The following OTOGL variants were observed in gnomAD, a reference collection of about 807,000 sequenced individuals.
The protein encoded by OTOGL is otogelin-like protein.
In OTOGL, 285 loss-of-function variants were observed where a neutral mutation model predicts 318.5. The ratio of observed to expected loss-of-function variants is 0.89; its 90% CI spans 0.81 to 0.99. OTOGL has a LOEUF of 0.99. Among genes scored for constraint, OTOGL ranks in the 50% least tolerant of loss-of-function variants. OTOGL has a pLI of 0.00. For synonymous variants in OTOGL, 987 were observed against 936.5 expected (o/e 1.05, Z -0.99); for missense variants, 2,899 against 2,845.6 (o/e 1.02, Z -0.43).
At chr12:80,371,562 T>A (rs1304834534) in intron 56 of OTOGL, among the ~76,000 whole-genome samples, 2 of 152,026 alleles carry the variant, frequency 1.3e-5, no homozygotes, top group Non-Finnish European at 2.9e-5. Flanking sequence ...TAGACAAGAG[T>A]CCTTCCAAGG....
At chr12:80,263,235 C>T (rs953655758) in intron 19 of OTOGL, among the ~76,000 whole-genome samples, 1 of 152,098 alleles carries the variant, frequency 6.6e-6, no homozygotes, top group African/African-American at 2.4e-5. Context: ...TACCTTCCTC[C>T]ATTCTGTCCC....
chr12:80,106,631 GTGCACA>G (rs1192213758), intron 1 of OTOGL, among the ~76,000 whole-genome samples: 1 of 152,134 alleles, frequency 6.6e-6, no homozygotes, highest in Non-Finnish European at 1.5e-5. Flanking sequence ...ACACAAGTGT[GTGCACA>G]TGCACACAAT....
intron 1 of OTOGL, among the ~76,000 whole-genome samples, chr12:80,199,602 C>T (rs1296971954): frequency 6.6e-6 from 1 of 152,102 alleles, no homozygotes; most frequent in Non-Finnish European, 1.5e-5. Flanking sequence ...AGAATTCATA[C>T]CATCTAATGT....
At chr12:80,232,594 A>G (rs1879465985) in intron 8 of OTOGL, among the ~76,000 whole-genome samples, 1 of 152,246 alleles carries the variant, frequency 6.6e-6, no homozygotes. Flanking sequence ...ACAAATCACC[A>G]GTATTTAGCA....
At chr12:80,230,998 TCA>T (rs1224658519) in intron 8 of OTOGL, among the ~76,000 whole-genome samples, 1 of 152,204 alleles carries the variant, frequency 6.6e-6, no homozygotes, top group African/African-American at 2.4e-5. Context: ...TTCAGGATAA[TCA>T]CAGTTTTCCA....
At chr12:80,363,391 T>C (rs1890346186) in intron 52 of OTOGL, among the ~76,000 whole-genome samples, 1 of 152,180 alleles carries the variant, frequency 6.6e-6, no homozygotes, top group Admixed American at 6.6e-5. Context: ...ACTAAAACAT[T>C]AGAGGGCAGG....
intron 44 of OTOGL, among the ~76,000 whole-genome samples, chr12:80,344,112 G>A (rs950882737): frequency 6.6e-6 from 1 of 152,144 alleles, no homozygotes; most frequent in Non-Finnish European, 1.5e-5. Flanking sequence ...TTTACATGGA[G>A]ATTTGGATAA....
chr12:80,248,970 T>C (rs1269764224), intron 11 of OTOGL, among the ~76,000 whole-genome samples: 3 of 147,418 alleles, frequency 2.0e-5, no homozygotes, highest in Non-Finnish European at 3.0e-5. Context: ...CTCCTGAGGC[T>C]TCTGCATTCT....
rs770975158 is a variant in OTOGL at position 80,370,664 on chromosome 12, C to G, written c.6710C>G (p.Pro2237Arg). 6.3e-7 allele frequency: 1 copy of G among 1,585,622 alleles called. No homozygotes were observed. Among genetic ancestry groups the G allele is most frequent in the Admixed American group, 1.7e-5 (1 of 58,272 alleles). The change falls in exon 56 of 59, where the codon CCT (proline) becomes CGT (arginine). Residue 2237 changes from proline to arginine, a missense_variant. Transcript: ENST00000547103. ...CTGAACTACACAATGGTCTGTCCCC[C>G]TTTTAATGAGACTGAATGCAAAATG... Reference protein sequence around the residue: ...IILNYTMVCPPFNETECKMNE... With the variant: ...IILNYTMVCPRFNETECKMNE...
At chr12:80,334,793 T>G (rs1888290730) in intron 38 of OTOGL, among the ~76,000 whole-genome samples, 1 of 152,120 alleles carries the variant, frequency 6.6e-6, no homozygotes, top group African/African-American at 2.4e-5. Context: ...AAAAAGAGTT[T>G]CAGTAGAGTG....
At chr12:80,116,313 G>A (rs568460220) in intron 1 of OTOGL, among the ~76,000 whole-genome samples, 2 of 151,984 alleles carry the variant, frequency 1.3e-5, no homozygotes, top group South Asian at 2.1e-4. Context: ...AGAGTTCCCC[G>A]ACCCCTTGTA....
At chr12:80,101,386 CA>C (rs1157623656) in intron 1 of OTOGL, among the ~76,000 whole-genome samples, 7 of 152,176 alleles carry the variant, frequency 4.6e-5, no homozygotes, top group Admixed American at 4.6e-4. Flanking sequence ...AAGGTAGTCA[CA>C]CACACTTCCT....
intron 26 of OTOGL, among the ~76,000 whole-genome samples, chr12:80,284,868 A>T (rs1024933869): frequency 4.0e-5 from 6 of 150,132 alleles, no homozygotes; most frequent in Non-Finnish European, 7.4e-5. Context: ...ACTGTGCAGA[A>T]CTCTTTAGTT....
At chr12:80,191,731 GA>G (rs1875710221) in intron 1 of OTOGL, among the ~76,000 whole-genome samples, 1 of 152,160 alleles carries the variant, frequency 6.6e-6, no homozygotes, top group African/African-American at 2.4e-5. Flanking sequence ...GTAACAGAAA[GA>G]ATGATGGCTG....
At position 80,378,693 on chromosome 12, in the gene OTOGL, C is replaced by G. The variant is rs922048767; in HGVS notation, c.*645C>G. On this transcript the variant is annotated 3_prime_UTR_variant, in exon 59 of 59. Transcript: ENST00000547103. ...GATTAAATCCTAGCTCTCTCTTATTCCAGTACTATATCACTTTTAAAATCC... is the reference window on the plus strand; with the variant it reads ...GATTAAATCCTAGCTCTCTCTTATTGCAGTACTATATCACTTTTAAAATCC... The G allele has an allele frequency of 2.0e-5, 3 of 151,950 alleles. No homozygotes were observed. The highest frequency in any genetic ancestry group is 1.3e-4 in the Admixed American group (2 of 15,236). 9.4% of individuals were successfully genotyped at this position (151,950 alleles called of 1,614,324 possible).
intron 26 of OTOGL, among the ~76,000 whole-genome samples, chr12:80,293,584 A>G (rs1592667855): frequency 6.6e-6 from 1 of 151,672 alleles, no homozygotes; most frequent in Non-Finnish European, 1.5e-5. Context: ...TAGCATGTCT[A>G]ACTTTCTTTT....
chr12:80,291,176 C>T (rs1196579311), intron 26 of OTOGL, among the ~76,000 whole-genome samples: 3 of 152,066 alleles, frequency 2.0e-5, no homozygotes, highest in African/African-American at 7.2e-5. Flanking sequence ...GAAATAATAT[C>T]AACTAATAAA....
At chr12:80,216,042 T>G (rs533303221) in intron 4 of OTOGL, among the ~76,000 whole-genome samples, 17 of 152,188 alleles carry the variant, frequency 1.1e-4, no homozygotes, top group African/African-American at 4.1e-4. Flanking sequence ...TGGGCTGACA[T>G]GATGGCATGC....
intron 33 of OTOGL, 32 bp from the exon 34 acceptor site, chr12:80,320,387 TCTC>T: frequency 2.6e-6 from 4 of 1,555,920 alleles, no homozygotes; most frequent in South Asian, 2.4e-5. Flanking sequence ...TGATCTTCCT[TCTC>T]CTGAGAATCC....
Sources: allele counts gnomAD v4.1 joint callset (sites outside exome capture counted in the v4.1 genomes callset), GRCh38; gene constraint gnomAD v4.1.1; transcripts MANE v1.5; gene names NCBI Gene and HGNC (gene_info 2026-07-23, HGNC 2026-07-21).